SIPA1L3: variants seen among roughly 807,000 people sequenced by gnomAD.
SIPA1L3 encodes signal-induced proliferation-associated 1-like protein 3.
Under a neutral mutation model 150.1 loss-of-function variants are expected in SIPA1L3, and 59 were observed. The observed-to-expected ratio is 0.39, with a 90% confidence interval of 0.32 to 0.49. The LOEUF (loss-of-function observed/expected upper bound fraction) is 0.49. Ranked by LOEUF, SIPA1L3 falls within the 20% of genes least tolerant of loss-of-function variation. The pLI is 0.86. For synonymous variants in SIPA1L3, 1,070 were observed against 1,077.6 expected (o/e 0.99, Z 0.14); for missense variants, 2,211 against 2,489.5 (o/e 0.89, Z 2.38).
intron 2 of SIPA1L3, among the ~76,000 whole-genome samples, chr19:38,078,438 G>GCGCA (rs1555784007): frequency 7.2e-6 from 1 of 138,898 alleles, no homozygotes; most frequent in Non-Finnish European, 1.6e-5. Context: ...GCGCATACAT[G>GCGCA]CACACACACA....
chr19:38,131,551 T>C (rs855617), intron 10 of SIPA1L3: 73,071 of 153,598 alleles, frequency 0.48, 17,995 homozygotes, highest in East Asian at 0.64. Context: ...ATGGGTTTTA[T>C]TCCATGCTTG....
intron 1 of SIPA1L3, among the ~76,000 whole-genome samples, chr19:37,947,547 T>C (rs2145543555): frequency 6.6e-6 from 1 of 152,032 alleles, no homozygotes; most frequent in South Asian, 2.1e-4. Context: ...GTCCCTATCC[T>C]ACTGACTAAA....
rs1276927281 is a variant in SIPA1L3, at chr19:38,142,642, A to G, written c.3465A>G (p.Arg1155=). 1 of 1,613,970 alleles carries G rather than the reference A, an allele frequency of 6.2e-7. No individual in the cohort carries two copies. Among genetic ancestry groups the G allele is most frequent in the Admixed American group, 1.7e-5 (1 of 60,000 alleles). ...GGGCCGACAGAGTCCCTCCCTACCG[A>G]CAGCCTTCTGGGAGCTTCTCCACCC... ...PAGADRVPPY[R]QPSGSFSTPG... is the part of the protein sequence containing the mutation. Residue 1155 remains arginine, a synonymous_variant, in exon 12 of 22, where the codon CGA becomes CGG. Transcript: ENST00000222345.
chr19:38,157,577 C>A (rs2145970715), intron 13 of SIPA1L3, among the ~76,000 whole-genome samples: 1 of 152,332 alleles, frequency 6.6e-6, no homozygotes, highest in East Asian at 1.9e-4. Context: ...TGGTCACCGG[C>A]TGCCCAGAGA....
intron 1 of SIPA1L3, among the ~76,000 whole-genome samples, chr19:37,995,655 G>C (rs1967623053): frequency 6.6e-6 from 1 of 152,158 alleles, no homozygotes; most frequent in Admixed American, 6.5e-5. Context: ...TGAGGAGGTG[G>C]GGCCTGGGCA....
At chr19:38,100,243 T>C (rs1970471418) in intron 5 of SIPA1L3, 93 bp downstream of exon 5, 5 of 1,008,566 alleles carry the variant, frequency 5.0e-6, no homozygotes, top group Non-Finnish European at 6.9e-6. Flanking sequence ...CTTTCTTTTT[T>C]CTTTGCAAGT....
At chr19:38,061,830 C>CT (rs1329551288) in intron 2 of SIPA1L3, among the ~76,000 whole-genome samples, 4 of 148,636 alleles carry the variant, frequency 2.7e-5, no homozygotes, top group African/African-American at 9.9e-5. Flanking sequence ...GGTTGGTTAT[C>CT]TAGTTGGCTG....
rs1476466932 is a variant in SIPA1L3, at chr19:38,082,423, A to G, written c.858A>G (p.Lys286=). 6.3e-7 allele frequency: 1 copy of G among 1,595,904 alleles called. No homozygotes were observed. The highest frequency in any genetic ancestry group is 8.5e-7 in the Non-Finnish European group (1 of 1,174,706). The change falls in exon 3 of 22, where the codon AAA becomes AAG. Residue 286 remains lysine, a synonymous_variant. Coordinates refer to ENST00000222345, the MANE Select transcript of SIPA1L3 (RefSeq NM_015073.3). ...AGGAGAAGGAGAAGGCCCGGAAGAAACCTGCGCGGGGCCTCGGCGGCGGGG... is the reference window on the plus strand; with the variant it reads ...AGGAGAAGGAGAAGGCCCGGAAGAAGCCTGCGCGGGGCCTCGGCGGCGGGG... ...PTKEKEKARK[K]PARGLGGGDT...
chr19:37,994,020 A>C (rs988396522), intron 1 of SIPA1L3, among the ~76,000 whole-genome samples: 1 of 152,052 alleles, frequency 6.6e-6, no homozygotes, highest in African/African-American at 2.4e-5. Flanking sequence ...TCAGCCTTCC[A>C]AGAAGCTGGG....
intron 1 of SIPA1L3, among the ~76,000 whole-genome samples, chr19:37,989,103 T>TAC (rs1389883814): frequency 6.6e-6 from 1 of 152,194 alleles, no homozygotes; most frequent in Non-Finnish European, 1.5e-5. Context: ...TAGGAGGTGT[T>TAC]GGCTGTGTGA....
At chr19:37,943,489 C>G (rs1465844128) in intron 1 of SIPA1L3, among the ~76,000 whole-genome samples, 1 of 152,174 alleles carries the variant, frequency 6.6e-6, no homozygotes, top group Non-Finnish European at 1.5e-5. Context: ...GGCCTTTTCA[C>G]CATTCCCACT....
At chr19:37,977,871 A>G (rs547814536) in intron 1 of SIPA1L3, among the ~76,000 whole-genome samples, 76 of 152,358 alleles carry the variant, frequency 5.0e-4, no homozygotes, top group Admixed American at 9.1e-4. Flanking sequence ...CTAAATGCCT[A>G]GAACAGTGCC....
chr19:38,013,081 G>A (rs1286412285), intron 1 of SIPA1L3, among the ~76,000 whole-genome samples: 2 of 152,166 alleles, frequency 1.3e-5, no homozygotes, highest in African/African-American at 4.8e-5. Flanking sequence ...AGCTTGGTCA[G>A]TGTGAGTTTA....
chr19:38,003,478 G>A (rs1967862052), intron 1 of SIPA1L3, among the ~76,000 whole-genome samples: 1 of 152,198 alleles, frequency 6.6e-6, no homozygotes, highest in African/African-American at 2.4e-5. Context: ...AATGATTCCG[G>A]CTGTGGGCAG....
chr19:38,157,368 C>T (rs945382732), intron 13 of SIPA1L3, among the ~76,000 whole-genome samples: 2 of 152,162 alleles, frequency 1.3e-5, no homozygotes, highest in Admixed American at 6.5e-5. Context: ...CGACTGCCCC[C>T]GGTTAGAGAG....
intron 1 of SIPA1L3, among the ~76,000 whole-genome samples, chr19:37,957,914 G>A (rs1031089934): frequency 1.4e-4 from 21 of 151,356 alleles, no homozygotes; most frequent in Admixed American, 4.0e-4. Context: ...GGGTTTTGCC[G>A]TGTTGCCCAG....
chr19:38,002,404 A>G (rs754606114), intron 1 of SIPA1L3, among the ~76,000 whole-genome samples: 1 of 152,166 alleles, frequency 6.6e-6, no homozygotes, highest in Non-Finnish European at 1.5e-5. Flanking sequence ...TAATATTCCA[A>G]TTCATATTTA....
At chr19:37,967,399 G>A (rs188782707) in intron 1 of SIPA1L3, among the ~76,000 whole-genome samples, 2 of 151,918 alleles carry the variant, frequency 1.3e-5, no homozygotes, top group East Asian at 1.9e-4. Flanking sequence ...GATTACAGGC[G>A]CCCACCACCA....
At chr19:38,146,035 C>A (rs533922209) in intron 12 of SIPA1L3, among the ~76,000 whole-genome samples, 10 of 152,270 alleles carry the variant, frequency 6.6e-5, no homozygotes, top group African/African-American at 2.4e-4. Flanking sequence ...GCCAATTTTT[C>A]TTTTCTTTCA....
Sources: gnomAD v4.1 joint callset for allele counts (sites outside exome capture counted in the v4.1 genomes callset) on GRCh38, gnomAD v4.1.1 for gene constraint, MANE v1.5 for transcripts, NCBI Gene and HGNC (gene_info 2026-07-23, HGNC 2026-07-21) for gene names.